Variants in MCCC2 observed in about 807,000 individuals in gnomAD.
MCCC2 encodes methylcrotonoyl-CoA carboxylase beta chain, mitochondrial.
Under a neutral mutation model 77.2 loss-of-function variants are expected in MCCC2, and 52 were observed. That is an observed-to-expected ratio of 0.67 (90% CI 0.54 to 0.85). MCCC2 has a LOEUF of 0.85. MCCC2 is among the 40% of genes least tolerant of loss of function. The pLI is 0.00. For synonymous variants in MCCC2, 253 were observed against 248.4 expected, an observed-to-expected ratio of 1.02 and a Z score of -0.18; for missense variants, 682 against 703.2, an observed-to-expected ratio of 0.97 and a Z score of 0.34.
intron 6 of MCCC2, among the ~76,000 whole-genome samples, chr5:71,610,532 G>A (rs1236009148): frequency 2.6e-5 from 4 of 152,164 alleles, no homozygotes; most frequent in African/African-American, 7.2e-5. Context: ...CGTCTTCTGC[G>A]TCGCTCACGC....
Position 71,646,440 on chromosome 5 carries a change from A to G in MCCC2, c.1216+163A>G, listed in dbSNP as rs6879121. Among the ~76,000 whole-genome samples, 1,591 of 152,252 alleles carry G rather than the reference A, an allele frequency of 0.01. 39 individuals are homozygous for G. The highest frequency in any genetic ancestry group is 0.036 in the African/African-American group (1,503 of 41,536). On this transcript the variant is annotated intron_variant, in intron 13 of 16. Transcript: ENST00000340941. Reference sequence around the variant, plus strand: ...CCTTTAAGAGTTAGCACTTTTCTTCATGCATGTTAAATATTCTGAGGAGAT... The same window carrying G: ...CCTTTAAGAGTTAGCACTTTTCTTCGTGCATGTTAAATATTCTGAGGAGAT...
In MCCC2 at chr5:71,633,129, A is replaced by ATTTTTTTTTTTTTT. The variant is rs1215619050; in HGVS notation, c.803+945_803+946insTTTTTTTTTTTTTT. Among the ~76,000 whole-genome samples the ATTTTTTTTTTTTTT allele has an allele frequency of 9.8e-4, 80 of 81,948 alleles. 3 individuals carry two copies. The highest frequency in any genetic ancestry group is 4.7e-3 in the East Asian group (9 of 1,914). 53.8% of individuals were successfully genotyped at this position (81,948 alleles called of 152,430 possible). On this transcript the variant is annotated intron_variant, in intron 8 of 16. Transcript: ENST00000340941. ...TATATATATATATATATATATATAT[A>ATTTTTTTTTTTTTT]TATTTTTATTTTTTGTAGAAACAGG...
intron 10 of MCCC2, among the ~76,000 whole-genome samples, chr5:71,639,425 A>G (rs566729663): frequency 7.9e-5 from 12 of 151,966 alleles, no homozygotes; most frequent in African/African-American, 2.9e-4. Flanking sequence ...CTCATGAACC[A>G]ATCTCTGCTA....
intron 15 of MCCC2, among the ~76,000 whole-genome samples, chr5:71,651,756 G>A (rs1747445132): frequency 1.3e-5 from 2 of 152,158 alleles, no homozygotes; most frequent in South Asian, 2.1e-4. Flanking sequence ...GCTTTTGTGC[G>A]AGTGGTTGGG....
rs1052934457 is a variant in MCCC2 at position 71,587,358 on chromosome 5, G to T, written c.-68G>T. The T allele has an allele frequency of 1.4e-5, 21 of 1,515,362 alleles. No homozygotes were observed. In the African/African-American group the frequency reaches 2.6e-4, roughly 19 times the overall value. 93.9% of individuals were successfully genotyped at this position (1,515,362 alleles called of 1,614,324 possible). A position where few individuals can be genotyped will look rare whatever the true frequency, so the allele number is the denominator to read the frequency against. ...TGAGCTCAGCTTCCGCCCCAGCCAG[G>T]GAAGCGGCAGGGGAAAGCACCGGCT... On this transcript the variant is annotated 5_prime_UTR_variant, in exon 1 of 17. Transcript: ENST00000340941.
intron 6 of MCCC2, among the ~76,000 whole-genome samples, chr5:71,614,608 C>T (rs1470746125): frequency 6.6e-6 from 1 of 151,890 alleles, no homozygotes; most frequent in Non-Finnish European, 1.5e-5. Context: ...CTCAGCCTCC[C>T]GAGTAGCTGG....
chr5:71,621,731 T>C (rs1746354308), intron 6 of MCCC2, among the ~76,000 whole-genome samples: 1 of 151,962 alleles, frequency 6.6e-6, no homozygotes, highest in African/African-American at 2.4e-5. Context: ...TGCCTGTTGA[T>C]TACCAGAGGC....
intron 4 of MCCC2, among the ~76,000 whole-genome samples, chr5:71,600,869 T>G (rs1164356720): frequency 6.6e-6 from 1 of 152,138 alleles, no homozygotes. Flanking sequence ...CCAGAGGCAG[T>G]GATGGTCATA....
rs377149151 is a variant in MCCC2, at chr5:71,636,964, G to A, written c.999+1718G>A. On this transcript the variant is annotated intron_variant, in intron 10 of 16. Transcript: ENST00000340941. ...TCACCATGTTGGTCTGGCTTTTCTC[G>A]AACTCCTGACCTTAGGTGATCCGCC... Among the ~76,000 whole-genome samples, 105 of 151,704 alleles carry A rather than the reference G, an allele frequency of 6.9e-4. 2 individuals are homozygous for A. In the South Asian group the frequency reaches 0.018, roughly 27 times the overall value.
At chr5:71,599,156 G>A (rs909929710) in intron 3 of MCCC2, among the ~76,000 whole-genome samples, 1 of 151,906 alleles carries the variant, frequency 6.6e-6, no homozygotes, top group Admixed American at 6.5e-5. Flanking sequence ...TAACCTTCAG[G>A]TAAGGAGTTT....
chr5:71,648,035 G>A (rs1054179659), intron 13 of MCCC2, among the ~76,000 whole-genome samples: 4 of 152,186 alleles, frequency 2.6e-5, no homozygotes, highest in Non-Finnish European at 4.4e-5. Context: ...TGGGGAGATT[G>A]AGGAGTTTCT....
At chr5:71,593,581 G>T (rs1745065889) in intron 2 of MCCC2, among the ~76,000 whole-genome samples, 1 of 150,042 alleles carries the variant, frequency 6.7e-6, no homozygotes, top group South Asian at 2.1e-4. Flanking sequence ...TTAAGAGATG[G>T]GTTCTTGCTC....
At chr5:71,649,308 A>G (rs902643778) in intron 14 of MCCC2, 55 bp downstream of exon 14, 15 of 1,499,120 alleles carry the variant, frequency 1.0e-5, no homozygotes, top group African/African-American at 2.7e-5. Flanking sequence ...TATAAAATAC[A>G]TGGTCAGTTT....
chr5:71,614,302 C>T (rs903604643), intron 6 of MCCC2, among the ~76,000 whole-genome samples: 1 of 152,042 alleles, frequency 6.6e-6, no homozygotes, highest in African/African-American at 2.4e-5. Flanking sequence ...TTAATACTAA[C>T]CTCTCCTTTT....
chr5:71,611,793 CTTTTTT>C (rs561604734), intron 6 of MCCC2, among the ~76,000 whole-genome samples: 1 of 141,556 alleles, frequency 7.1e-6, no homozygotes, highest in Non-Finnish European at 1.6e-5. Context: ...CTTTTTTTTT[CTTTTTT>C]TTTTTTTGAG....
At chr5:71,614,350 A>G (rs956589667) in intron 6 of MCCC2, among the ~76,000 whole-genome samples, 1 of 151,638 alleles carries the variant, frequency 6.6e-6, no homozygotes, top group African/African-American at 2.4e-5. Flanking sequence ...ACTCTAATTA[A>G]TTTTCTTGGG....
At chr5:71,615,875 G>A (rs1158677338) in intron 6 of MCCC2, among the ~76,000 whole-genome samples, 2 of 152,154 alleles carry the variant, frequency 1.3e-5, no homozygotes, top group Non-Finnish European at 2.9e-5. Context: ...CTTTTATTCT[G>A]ATGAGGCGAC....
intron 8 of MCCC2, among the ~76,000 whole-genome samples, chr5:71,632,882 T>C (rs565600375): frequency 6.6e-6 from 1 of 152,152 alleles, no homozygotes; most frequent in African/African-American, 2.4e-5. Flanking sequence ...CTCTACCTCC[T>C]AGAATGTTGT....
rs755210095 is a variant in MCCC2 at position 71,602,569 on chromosome 5, T to C, written c.447T>C (p.Thr149=). ...AAGGAGGTGCCTACTACCCAGTGAC[T>C]GTGAAAAAACAATTACGGGCCCAAG... ...TVKGGAYYPV[T]VKKQLRAQEI... Residue 149 remains threonine, a synonymous_variant, in exon 5 of 17, where the codon ACT becomes ACC. Transcript: ENST00000340941. 3.7e-6 allele frequency: 6 copies of C among 1,614,170 alleles called. No individual in the cohort carries two copies. Among genetic ancestry groups the C allele is most frequent in the Non-Finnish European group, 5.1e-6 (6 of 1,180,026 alleles).
Sources: gnomAD v4.1 joint callset for allele counts (sites outside exome capture counted in the v4.1 genomes callset) on GRCh38, gnomAD v4.1.1 for gene constraint, MANE v1.5 for transcripts, NCBI Gene and HGNC (gene_info 2026-07-23, HGNC 2026-07-21) for gene names.